Variants in CRIM1 observed in about 807,000 individuals in gnomAD.
CRIM1 encodes cysteine rich transmembrane BMP regulator 1, also known as cysteine-rich motor neuron 1 protein.
In CRIM1, 32 loss-of-function variants were observed where a neutral mutation model predicts 116.4. The ratio of observed to expected loss-of-function variants is 0.27; its 90% CI spans 0.21 to 0.37. The LOEUF (loss-of-function observed/expected upper bound fraction) is 0.37. Ranked by LOEUF, CRIM1 falls within the 10% of genes least tolerant of loss-of-function variation. CRIM1 has a pLI of 1.00. For synonymous variants in CRIM1, 590 were observed against 509.2 expected (o/e 1.16, Z -2.13); for missense variants, 1,331 against 1,354.8 (o/e 0.98, Z 0.28).
At chr2:36,477,658 C>T (rs1463505232) in intron 6 of CRIM1, among the ~76,000 whole-genome samples, 2 of 152,214 alleles carry the variant, frequency 1.3e-5, no homozygotes, top group Non-Finnish European at 2.9e-5. Context: ...GTGTGACTCT[C>T]AGGAATCTGC....
At chr2:36,379,961 A>G (rs550949310) in intron 1 of CRIM1, among the ~76,000 whole-genome samples, 3 of 151,586 alleles carry the variant, frequency 2.0e-5, no homozygotes, top group Non-Finnish European at 4.4e-5. Flanking sequence ...GTTGAAGTAC[A>G]GTTGATAGAC....
intron 11 of CRIM1, among the ~76,000 whole-genome samples, 184 bp from the exon 12 acceptor site, chr2:36,517,143 T>C (rs1175846013): frequency 6.6e-6 from 1 of 152,210 alleles, no homozygotes; most frequent in African/African-American, 2.4e-5. Context: ...TAATATTAGC[T>C]CTTTTGCCAT....
At chr2:36,387,134 T>C (rs1671227169) in intron 1 of CRIM1, among the ~76,000 whole-genome samples, 1 of 152,204 alleles carries the variant, frequency 6.6e-6, no homozygotes, top group African/African-American at 2.4e-5. Context: ...TTGGTTAGGC[T>C]GTTCTCTTAA....
intron 1 of CRIM1, among the ~76,000 whole-genome samples, chr2:36,376,256 C>T (rs1670309755): frequency 6.6e-6 from 1 of 152,170 alleles, no homozygotes; most frequent in Non-Finnish European, 1.5e-5. Context: ...TATTTATTGC[C>T]AAAAGCTTCT....
In CRIM1 at chr2:36,360,361, A is replaced by C. The variant is rs373134858; in HGVS notation, c.331+3738A>C. 1.4e-4 allele frequency among the ~76,000 whole-genome samples: 21 copies of C among 152,224 alleles called. No homozygotes were observed. In the East Asian group the frequency reaches 3.5e-3, roughly 25 times the overall value. ...TGATAGCTAGATCAGATAAGCACCA[A>C]TTTTTTTCTTGGTGACTATTTACTC... On this transcript the variant is annotated intron_variant, in intron 1 of 16. Transcript: ENST00000280527.
At chr2:36,447,327 C>T (rs918190676) in intron 4 of CRIM1, among the ~76,000 whole-genome samples, 5 of 152,072 alleles carry the variant, frequency 3.3e-5, no homozygotes, top group African/African-American at 1.2e-4. Context: ...AGAAATATAT[C>T]GGGGAATATG....
intron 4 of CRIM1, among the ~76,000 whole-genome samples, chr2:36,458,506 C>T (rs1677320610): frequency 1.3e-5 from 2 of 152,176 alleles, no homozygotes; most frequent in South Asian, 4.1e-4. Flanking sequence ...AGGGAGACAA[C>T]AGCATCTAGC....
chr2:36,446,251 A>T (rs1408019453), intron 4 of CRIM1, among the ~76,000 whole-genome samples: 1 of 151,976 alleles, frequency 6.6e-6, no homozygotes, highest in East Asian at 1.9e-4. Context: ...TCCCTATGAG[A>T]CTATTTCACC....
intron 5 of CRIM1, among the ~76,000 whole-genome samples, chr2:36,475,618 G>A (rs185106404): frequency 3.9e-5 from 6 of 152,010 alleles, no homozygotes; most frequent in South Asian, 2.1e-4. Flanking sequence ...TTACTATGTC[G>A]AATTGAAGTG....
At chr2:36,493,180 A>G (rs962674551) in intron 7 of CRIM1, among the ~76,000 whole-genome samples, 2 of 152,120 alleles carry the variant, frequency 1.3e-5, no homozygotes, top group African/African-American at 4.8e-5. Context: ...AGGCTGAGGT[A>G]GGAAGATTGC....
intron 1 of CRIM1, among the ~76,000 whole-genome samples, chr2:36,371,486 C>G (rs994603358): frequency 6.6e-6 from 1 of 152,110 alleles, no homozygotes; most frequent in South Asian, 2.1e-4. Context: ...ACTTTTTCAT[C>G]GAACCATTTG....
intron 15 of CRIM1, among the ~76,000 whole-genome samples, chr2:36,546,265 G>T (rs1667317844): frequency 6.6e-6 from 1 of 152,132 alleles, no homozygotes; most frequent in African/African-American, 2.4e-5. Context: ...ATTGGTATGT[G>T]TTTAACCTTA....
Position 36,356,491 on chromosome 2 carries a change from G to A in CRIM1, c.199G>A (p.Ala67Thr). The A allele has an allele frequency of 3.1e-6, 5 of 1,612,508 alleles. No individual in the cohort carries two copies. Among genetic ancestry groups the A allele is most frequent in the Non-Finnish European group, 3.4e-6 (4 of 1,179,812 alleles). ...CGTCTGCGGCTGCTGCTACACGTGCGCCAGCCAGAGGAACGAGAGCTGCGG... is the reference window on the plus strand; with the variant it reads ...CGTCTGCGGCTGCTGCTACACGTGCACCAGCCAGAGGAACGAGAGCTGCGG... ...QGVCGCCYTC[A>T]SQRNESCGGT... Residue 67 changes from alanine (A) to threonine (T), a missense_variant, in exon 1 of 17, where the codon GCC becomes ACC. Physicochemically the swap from Ala to Thr is moderately conservative, Grantham distance 58 (BLOSUM62 0). Transcript: ENST00000280527. The surrounding 1 kb of genome is among the most constrained non-coding windows in gnomAD (Gnocchi z 4.3).
chr2:36,495,487 T>TATTTATTTATTTA (rs67640324), intron 7 of CRIM1, among the ~76,000 whole-genome samples: 1 of 144,218 alleles, frequency 6.9e-6, no homozygotes, highest in African/African-American at 2.8e-5. Flanking sequence ...TTTTTTTTTT[T>TATTTATTTATTTA]TTTTTTTTTG....
chr2:36,538,599 A>T (rs1192245591), intron 14 of CRIM1, among the ~76,000 whole-genome samples: 1 of 152,198 alleles, frequency 6.6e-6, no homozygotes. Context: ...AGCTCTGCAC[A>T]TGTTGGCCTT....
At chr2:36,479,340 C>T (rs72866811) in intron 6 of CRIM1, among the ~76,000 whole-genome samples, 157 bp from the exon 7 acceptor site, 6,166 of 152,208 alleles carry the variant, frequency 0.041, 249 homozygotes, top group African/African-American at 0.1. Context: ...TTTGCATGCA[C>T]CCCCAGAGAC....
chr2:36,515,921 C>A (rs1187057001), intron 11 of CRIM1, among the ~76,000 whole-genome samples: 2 of 152,180 alleles, frequency 1.3e-5, no homozygotes, highest in Admixed American at 1.3e-4. Context: ...TCTCTGTAAA[C>A]CACAGATGCA....
chr2:36,521,274 A>G (rs1181442707), intron 12 of CRIM1, among the ~76,000 whole-genome samples: 1 of 151,874 alleles, frequency 6.6e-6, no homozygotes, highest in Non-Finnish European at 1.5e-5. Context: ...TGATTTGCAC[A>G]TGATTTCTCT....
chr2:36,548,405 T>TATCA, intron 16 of CRIM1, 120 bp from the exon 17 acceptor site: 6 of 651,468 alleles, frequency 9.2e-6, no homozygotes, highest in Middle Eastern at 5.1e-4. Flanking sequence ...GCATACAGGC[T>TATCA]ATCAATCAAT....
Sources: allele counts gnomAD v4.1 joint callset (sites outside exome capture counted in the v4.1 genomes callset), GRCh38; gene constraint gnomAD v4.1.1; non-coding constraint Gnocchi (gnomAD v3.1); transcripts MANE v1.5; gene names NCBI Gene and HGNC (gene_info 2026-07-23, HGNC 2026-07-21).